ERBB4: variants seen among roughly 807,000 people sequenced by gnomAD.
ERBB4 encodes the protein erb-b2 receptor tyrosine kinase 4.
In ERBB4, 42 loss-of-function variants were observed where a neutral mutation model predicts 158.0. The observed-to-expected ratio is 0.27, with a 90% CI of 0.21 to 0.34. The LOEUF (loss-of-function observed/expected upper bound fraction) is 0.34, where lower values mean the gene tolerates loss of function less well. Ranked by LOEUF, ERBB4 falls within the 10% of genes least tolerant of loss-of-function variation. The pLI, the probability that ERBB4 is intolerant of heterozygous loss-of-function variation, is 1.00. For missense variants in ERBB4, 1,333 were observed against 1,624.1 expected (o/e 0.82, Z 3.08); for synonymous variants, 583 against 558.7 (o/e 1.04, Z -0.61).
chr2:211,743,885 C>T (rs2074876717), intron 5 of ERBB4, among the ~76,000 whole-genome samples: 2 of 152,062 alleles, frequency 1.3e-5, no homozygotes, highest in Non-Finnish European at 2.9e-5. Context: ...CTATTTTGAC[C>T]CTTTGCAACT....
At chr2:211,592,542 C>T (rs1395991037) in intron 19 of ERBB4, among the ~76,000 whole-genome samples, 7 of 152,166 alleles carry the variant, frequency 4.6e-5, no homozygotes, top group Middle Eastern at 3.4e-3. Context: ...TTGATTGCTG[C>T]AAAGGATGCA....
intron 5 of ERBB4, 94 bp from the exon 6 acceptor site, chr2:211,725,288 T>C: frequency 2.1e-6 from 2 of 931,804 alleles, no homozygotes; most frequent in East Asian, 2.4e-5. Flanking sequence ...ACCCTGTCTT[T>C]GACTCAATTC....
At chr2:212,025,893 T>C (rs2076761628) in intron 2 of ERBB4, among the ~76,000 whole-genome samples, 1 of 151,784 alleles carries the variant, frequency 6.6e-6, no homozygotes, top group African/African-American at 2.4e-5. Context: ...AAATGTGTTA[T>C]ATTTGCTATA....
At chr2:212,062,792 T>C (rs934823369) in intron 2 of ERBB4, among the ~76,000 whole-genome samples, 1 of 152,192 alleles carries the variant, frequency 6.6e-6, no homozygotes, top group Non-Finnish European at 1.5e-5. Context: ...ATCAAGCTGA[T>C]GAAAAGGACA....
intron 3 of ERBB4, among the ~76,000 whole-genome samples, chr2:211,944,294 C>T (rs1029277013): frequency 1.3e-5 from 2 of 148,170 alleles, no homozygotes; most frequent in Middle Eastern, 3.5e-3. Context: ...ACTTCCCATC[C>T]CCATAATTGT....
At chr2:211,833,209 T>G (rs1295497124) in intron 3 of ERBB4, among the ~76,000 whole-genome samples, 4 of 152,078 alleles carry the variant, frequency 2.6e-5, no homozygotes, top group African/African-American at 9.7e-5. Flanking sequence ...ATATGGTTTT[T>G]CAAGTAAGGA....
chr2:212,382,140 T>C (rs11902897), intron 1 of ERBB4, among the ~76,000 whole-genome samples: 122 of 150,466 alleles, frequency 8.1e-4, no homozygotes, highest in African/African-American at 2.9e-3. Flanking sequence ...CACATAAATG[T>C]ATATTATACA....
At chr2:211,838,024 T>C (rs1316575171) in intron 3 of ERBB4, among the ~76,000 whole-genome samples, 1 of 151,948 alleles carries the variant, frequency 6.6e-6, no homozygotes. Flanking sequence ...GGTACCATCA[T>C]TCAGATGGTG....
intron 3 of ERBB4, among the ~76,000 whole-genome samples, chr2:211,792,477 C>A (rs966499067): frequency 6.6e-6 from 1 of 151,676 alleles, no homozygotes; most frequent in Non-Finnish European, 1.5e-5. Flanking sequence ...AATATTACTG[C>A]AGACAATACA....
At chr2:211,943,440 C>A (rs2080561738) in intron 3 of ERBB4, among the ~76,000 whole-genome samples, 1 of 152,034 alleles carries the variant, frequency 6.6e-6, no homozygotes, top group African/African-American at 2.4e-5. Flanking sequence ...CATGATGTCC[C>A]CTGTCCAGCT....
chr2:211,970,838 A>G (rs980935665), intron 2 of ERBB4, among the ~76,000 whole-genome samples: 27 of 152,112 alleles, frequency 1.8e-4, no homozygotes, highest in African/African-American at 5.8e-4. Flanking sequence ...CCAGATTGCC[A>G]TTCTGTGTCA....
chr2:212,404,950 G>C (rs1024677319), intron 1 of ERBB4, among the ~76,000 whole-genome samples: 2 of 152,010 alleles, frequency 1.3e-5, no homozygotes, highest in East Asian at 1.9e-4. Flanking sequence ...ATAGCCTCCA[G>C]CTCCATCCAT....
At chr2:211,739,873 C>T (rs2074732518) in intron 5 of ERBB4, among the ~76,000 whole-genome samples, 1 of 152,180 alleles carries the variant, frequency 6.6e-6, no homozygotes, top group African/African-American at 2.4e-5. Flanking sequence ...TTTAGAAAAA[C>T]TGACATTTTC....
At chr2:211,656,331 G>A (rs1399421240) in intron 16 of ERBB4, among the ~76,000 whole-genome samples, 1 of 152,084 alleles carries the variant, frequency 6.6e-6, no homozygotes, top group Non-Finnish European at 1.5e-5. Context: ...TTAAAAGCAA[G>A]TATTCTTCAT....
intron 1 of ERBB4, among the ~76,000 whole-genome samples, chr2:212,351,324 A>G (rs2089242324): frequency 6.6e-6 from 1 of 152,144 alleles, no homozygotes; most frequent in Non-Finnish European, 1.5e-5. Flanking sequence ...TTGATCTTGG[A>G]CTTGTAGCCT....
intron 1 of ERBB4, among the ~76,000 whole-genome samples, chr2:212,141,886 A>G (rs139758643): frequency 1.9e-3 from 289 of 152,252 alleles, no homozygotes; most frequent in Middle Eastern, 6.8e-3. Context: ...TTTAACCTAT[A>G]AATCAGATCA....
intron 3 of ERBB4, among the ~76,000 whole-genome samples, chr2:211,788,929 G>T (rs2076225766): frequency 6.6e-6 from 1 of 152,154 alleles, no homozygotes; most frequent in Non-Finnish European, 1.5e-5. Context: ...GGATACGGCT[G>T]TGGGATAACA....
chr2:212,507,935 C>T (rs754996031), intron 1 of ERBB4, among the ~76,000 whole-genome samples: 5 of 152,096 alleles, frequency 3.3e-5, no homozygotes, highest in Non-Finnish European at 7.4e-5. Context: ...GCTGGAGAGA[C>T]ATTTTTCATG....
At chr2:211,585,131 T>A (rs1470695956) in intron 19 of ERBB4, among the ~76,000 whole-genome samples, 1 of 152,052 alleles carries the variant, frequency 6.6e-6, no homozygotes, top group Non-Finnish European at 1.5e-5. Context: ...GGCGGGCGGA[T>A]CACGAAGTCA....
Sources: gnomAD v4.1 joint callset for allele counts (sites outside exome capture counted in the v4.1 genomes callset) on GRCh38, gnomAD v4.1.1 for gene constraint, MANE v1.5 for transcripts, NCBI Gene and HGNC (gene_info 2026-07-23, HGNC 2026-07-21) for gene names.